The following NBEA variants were observed in gnomAD, a reference collection of about 807,000 sequenced individuals.
NBEA encodes neurobeachin, also known as lysosomal-trafficking regulator 2.
Under a neutral mutation model 343.4 loss-of-function variants are expected in NBEA, and 44 were observed. That is an observed-to-expected ratio of 0.13 (90% CI 0.10 to 0.16). NBEA has a LOEUF of 0.16. NBEA is among the 10% of genes least tolerant of loss of function. The pLI is 1.00. For synonymous variants in NBEA, 1,175 were observed against 1,238.7 expected (o/e 0.95, Z 1.08); for missense variants, 2,555 against 3,631.3 (o/e 0.70, Z 7.62).
At chr13:35,576,727 A>G (rs527379419) in intron 45 of NBEA, among the ~76,000 whole-genome samples, 21 of 152,288 alleles carry the variant, frequency 1.4e-4, no homozygotes, top group African/African-American at 4.6e-4. Flanking sequence ...CTTGATCAAA[A>G]CTATATGATT....
At chr13:35,426,770 C>G (rs1301329183) in intron 38 of NBEA, among the ~76,000 whole-genome samples, 5 of 152,218 alleles carry the variant, frequency 3.3e-5, no homozygotes, top group Non-Finnish European at 5.9e-5. Context: ...CTCCCCATCA[C>G]TTTCAGGTAC....
chr13:35,029,418 A>T (rs886312833), intron 1 of NBEA, among the ~76,000 whole-genome samples: 21 of 151,660 alleles, frequency 1.4e-4, no homozygotes, highest in Admixed American at 1.3e-4. Flanking sequence ...TGTATCATGC[A>T]TAGGGAGTAA....
intron 40 of NBEA, among the ~76,000 whole-genome samples, chr13:35,471,706 C>T (rs1266030104): frequency 6.6e-6 from 1 of 152,180 alleles, no homozygotes; most frequent in African/African-American, 2.4e-5. Flanking sequence ...GTAGCACTTT[C>T]GCACGGTTTT....
intron 41 of NBEA, among the ~76,000 whole-genome samples, chr13:35,509,365 T>G (rs143261815): frequency 1.3e-5 from 2 of 151,944 alleles, no homozygotes; most frequent in Non-Finnish European, 2.9e-5. Flanking sequence ...GAGGCAGGTG[T>G]GTAGAGTCAG....
intron 45 of NBEA, among the ~76,000 whole-genome samples, chr13:35,571,299 A>G (rs965297309): frequency 2.6e-5 from 4 of 152,188 alleles, no homozygotes; most frequent in Non-Finnish European, 4.4e-5. Context: ...CAGTTGGGAA[A>G]CTTCTGAATG....
chr13:35,407,006 A>AT (rs1400024406), intron 38 of NBEA, among the ~76,000 whole-genome samples: 1 of 148,942 alleles, frequency 6.7e-6, no homozygotes. Context: ...GTTGCCCAGA[A>AT]TGGAGAGCAG....
At chr13:35,144,759 G>T (rs1376690418) in intron 18 of NBEA, among the ~76,000 whole-genome samples, 1 of 152,130 alleles carries the variant, frequency 6.6e-6, no homozygotes, top group African/African-American at 2.4e-5. Flanking sequence ...CCTGGCCTGA[G>T]GGTTCTAAGG....
chr13:35,166,801 G>A (rs553238376), intron 24 of NBEA, among the ~76,000 whole-genome samples: 66 of 151,960 alleles, frequency 4.3e-4, no homozygotes, highest in Non-Finnish European at 7.2e-4. Context: ...TTGGGAAAGA[G>A]GAGGTTGAAT....
chr13:35,590,787 G>T (rs560362671), intron 46 of NBEA, among the ~76,000 whole-genome samples: 45 of 152,156 alleles, frequency 3.0e-4, no homozygotes, highest in Admixed American at 2.3e-3. Flanking sequence ...AATAAAGTGG[G>T]TTCTGAAGAT....
At chr13:35,620,439 G>A (rs1159595778) in intron 48 of NBEA, among the ~76,000 whole-genome samples, 1 of 152,108 alleles carries the variant, frequency 6.6e-6, no homozygotes, top group Non-Finnish European at 1.5e-5. Flanking sequence ...CTTATGGCAG[G>A]GATGTGGTTG....
At chr13:35,283,993 C>CAG (rs1169991653) in intron 34 of NBEA, among the ~76,000 whole-genome samples, 1 of 141,138 alleles carries the variant, frequency 7.1e-6, no homozygotes, top group African/African-American at 2.6e-5. Flanking sequence ...CACAGACACA[C>CAG]ACACACACAC....
intron 1 of NBEA, among the ~76,000 whole-genome samples, chr13:34,943,947 A>G (rs1339833503): frequency 2.0e-5 from 3 of 152,210 alleles, no homozygotes; most frequent in Non-Finnish European, 4.4e-5. Context: ...TGCGCTATCT[A>G]CAGAGAGGCT....
At position 35,472,518 on chromosome 13, in the gene NBEA, CAAG is replaced by C; in HGVS notation, c.6572_6574del (p.Lys2191del). On this transcript the variant is annotated inframe_deletion, in exon 41 of 59. Coordinates refer to ENST00000379939, the MANE Select transcript of NBEA (RefSeq NM_001385012.1). Reference sequence around the variant, plus strand: ...AGGTAGATGAGGATGATTCTGCCTTCAAGAAGATCGACACGAAAGTGAGTTAAA... The same window carrying C: ...AGGTAGATGAGGATGATTCTGCCTTCAAGATCGACACGAAAGTGAGTTAAA... 6.2e-7 allele frequency: 1 copy of C among 1,614,022 alleles called. No individual in the cohort carries two copies. Among genetic ancestry groups the C allele is most frequent in the South Asian group, 1.1e-5 (1 of 91,088 alleles).
chr13:35,374,083 A>G (rs1042235228), intron 38 of NBEA, among the ~76,000 whole-genome samples: 1 of 152,192 alleles, frequency 6.6e-6, no homozygotes, highest in African/African-American at 2.4e-5. Flanking sequence ...AGCCTTTGAC[A>G]TGCCTTCCTC....
intron 1 of NBEA, among the ~76,000 whole-genome samples, chr13:34,944,907 T>G (rs540484876): frequency 6.6e-6 from 1 of 152,212 alleles, no homozygotes; most frequent in South Asian, 2.1e-4. Context: ...CAGTTTGGAC[T>G]CTGCAGCAGT....
chr13:35,569,852 G>A (rs2080311896), intron 45 of NBEA, among the ~76,000 whole-genome samples: 1 of 152,068 alleles, frequency 6.6e-6, no homozygotes, highest in African/African-American at 2.4e-5. Context: ...AAGAAAATGT[G>A]GCACTCATTA....
chr13:35,568,188 G>A (rs1039727405), intron 45 of NBEA, among the ~76,000 whole-genome samples: 2 of 152,072 alleles, frequency 1.3e-5, no homozygotes, highest in Admixed American at 1.3e-4. Context: ...CTGTTTGCTA[G>A]TTTTTTCATG....
rs187071927 is a variant in NBEA at position 35,304,986 on chromosome 13, A to G, written c.5839-4542A>G. Among the ~76,000 whole-genome samples, 741 of 152,274 alleles carry G rather than the reference A, an allele frequency of 4.9e-3. 1 individual carries two copies. Among genetic ancestry groups the G allele is most frequent in the Non-Finnish European group, 6.9e-3 (467 of 68,018 alleles). On this transcript the variant is annotated intron_variant, in intron 35 of 58. Transcript: ENST00000379939. ...TTATATATAGCATGTCACTCTTACA[A>G]TGCGGCCACTACCACCTACTAAAAA...
Position 35,654,931 on chromosome 13 carries a change from T to C in NBEA, c.8112T>C (p.Phe2704=), listed in dbSNP as rs780952926. 6.3e-7 allele frequency: 1 copy of C among 1,590,842 alleles called. No homozygotes were observed. The highest frequency in any genetic ancestry group is 8.5e-7 in the Non-Finnish European group (1 of 1,172,188). ...DQSIQINAHC[F]VVTADNRYIL... Reference sequence around the variant, plus strand: ...GTATACAAATCAATGCACATTGTTTTGTGGTAACAGCAGATAATCGCTATA... The same window carrying C: ...GTATACAAATCAATGCACATTGTTTCGTGGTAACAGCAGATAATCGCTATA... Residue 2704 remains phenylalanine, a synonymous_variant, in exon 54 of 59, where the codon TTT becomes TTC. Coordinates refer to ENST00000379939, the MANE Select transcript of NBEA (RefSeq NM_001385012.1).
Sources: allele counts gnomAD v4.1 joint callset (sites outside exome capture counted in the v4.1 genomes callset), GRCh38; gene constraint gnomAD v4.1.1; transcripts MANE v1.5; gene names NCBI Gene and HGNC (gene_info 2026-07-23, HGNC 2026-07-21).